LRMDA: variants seen among roughly 807,000 people sequenced by gnomAD.
The protein encoded by LRMDA is leucine rich melanocyte differentiation associated.
LRMDA carries 18 observed loss-of-function variants against 29.8 expected under a neutral mutation model. The observed-to-expected ratio is 0.60, with a 90% CI of 0.42 to 0.90. LRMDA has a LOEUF of 0.90. LRMDA is among the 40% of genes least tolerant of loss of function. The pLI is 0.00. For synonymous variants in LRMDA, 125 were observed against 109.4 expected (o/e 1.14, Z -0.89); for missense variants, 273 against 273.9 (o/e 1.00, Z 0.02).
intron 5 of LRMDA, among the ~76,000 whole-genome samples, chr10:76,081,951 C>T (rs4587674): frequency 1.3e-5 from 2 of 152,128 alleles, no homozygotes; most frequent in Admixed American, 6.5e-5. Flanking sequence ...TTTCAGATTT[C>T]GGTGCCATAG....
intron 5 of LRMDA, among the ~76,000 whole-genome samples, chr10:76,256,150 A>G (rs768946752): frequency 9.2e-5 from 14 of 152,238 alleles, no homozygotes; most frequent in Non-Finnish European, 1.2e-4. Context: ...GAGAACCATA[A>G]TAATTTTCTG....
intron 2 of LRMDA, among the ~76,000 whole-genome samples, chr10:75,566,002 A>G (rs1840367789): frequency 6.6e-6 from 1 of 152,136 alleles, no homozygotes. Flanking sequence ...TTGAGCCTGG[A>G]AGGTCAAGGC....
At chr10:76,272,496 C>T (rs1840080477) in intron 5 of LRMDA, among the ~76,000 whole-genome samples, 1 of 152,140 alleles carries the variant, frequency 6.6e-6, no homozygotes, top group Non-Finnish European at 1.5e-5. Flanking sequence ...TTGGAAAATG[C>T]ATTAAATTCG....
At chr10:75,709,567 A>C (rs1486660454) in intron 2 of LRMDA, among the ~76,000 whole-genome samples, 1 of 151,842 alleles carries the variant, frequency 6.6e-6, no homozygotes, top group Admixed American at 6.6e-5. Context: ...GGCAGGTGAG[A>C]TCATATTCCA....
intron 2 of LRMDA, among the ~76,000 whole-genome samples, chr10:75,884,506 C>A (rs1845349871): frequency 6.6e-6 from 1 of 152,048 alleles, no homozygotes; most frequent in African/African-American, 2.4e-5. Context: ...CTAGCAGAAG[C>A]AGATGGAGAA....
At chr10:75,644,572 G>C (rs559676522) in intron 2 of LRMDA, among the ~76,000 whole-genome samples, 24 of 152,094 alleles carry the variant, frequency 1.6e-4, no homozygotes, top group Non-Finnish European at 3.4e-4. Context: ...AAATAAACAG[G>C]CTTCATTAAA....
intron 5 of LRMDA, among the ~76,000 whole-genome samples, chr10:76,143,321 G>C (rs990847415): frequency 1.8e-4 from 27 of 152,312 alleles, no homozygotes; most frequent in Admixed American, 7.2e-4. Context: ...GTGTAAAAGT[G>C]TTCCTATTTC....
chr10:76,541,650 G>C (rs1203991730), intron 6 of LRMDA, among the ~76,000 whole-genome samples: 2 of 152,082 alleles, frequency 1.3e-5, no homozygotes, highest in Non-Finnish European at 2.9e-5. Flanking sequence ...TTGTTTGCAG[G>C]CTTTTGTTTT....
intron 2 of LRMDA, among the ~76,000 whole-genome samples, chr10:75,781,038 T>A (rs1209188663): frequency 6.6e-6 from 1 of 152,226 alleles, no homozygotes; most frequent in Non-Finnish European, 1.5e-5. Context: ...CCTGGCATCC[T>A]CTTTCTCCGA....
At chr10:76,259,182 T>C (rs530460991) in intron 5 of LRMDA, among the ~76,000 whole-genome samples, 8 of 152,146 alleles carry the variant, frequency 5.3e-5, no homozygotes, top group Admixed American at 4.6e-4. Flanking sequence ...TGCTATCTCA[T>C]TGGTGTTTTG....
chr10:76,409,596 T>C (rs993943494), intron 6 of LRMDA, among the ~76,000 whole-genome samples: 2 of 152,204 alleles, frequency 1.3e-5, no homozygotes, highest in African/African-American at 4.8e-5. Flanking sequence ...TATGTAGTTG[T>C]GATCCTGTTG....
intron 2 of LRMDA, among the ~76,000 whole-genome samples, chr10:75,587,843 G>A (rs923685078): frequency 6.6e-6 from 1 of 152,220 alleles, no homozygotes; most frequent in African/African-American, 2.4e-5. Flanking sequence ...CCAAGGTCGG[G>A]AGCATGACTG....
intron 2 of LRMDA, among the ~76,000 whole-genome samples, chr10:75,518,958 T>C (rs1483746488): frequency 6.6e-6 from 1 of 152,240 alleles, no homozygotes; most frequent in African/African-American, 2.4e-5. Context: ...CATTTCATTA[T>C]TTACCCAGTA....
At chr10:76,156,984 A>T (rs1387768489) in intron 5 of LRMDA, among the ~76,000 whole-genome samples, 1 of 152,180 alleles carries the variant, frequency 6.6e-6, no homozygotes, top group African/African-American at 2.4e-5. Flanking sequence ...TGTAATGCAT[A>T]GTTGCTGCTC....
At chr10:75,540,631 A>T (rs964199158) in intron 2 of LRMDA, among the ~76,000 whole-genome samples, 5 of 152,116 alleles carry the variant, frequency 3.3e-5, no homozygotes, top group Middle Eastern at 3.2e-3. Context: ...GGAATTTGAA[A>T]CTTTCACTCC....
chr10:75,747,613 T>A (rs1842904906), intron 2 of LRMDA, among the ~76,000 whole-genome samples: 1 of 152,316 alleles, frequency 6.6e-6, no homozygotes, highest in East Asian at 1.9e-4. Flanking sequence ...GTTTTCACCA[T>A]TTGGGTGATC....
At chr10:75,958,829 C>T (rs1161681244) in intron 2 of LRMDA, among the ~76,000 whole-genome samples, 2 of 152,122 alleles carry the variant, frequency 1.3e-5, no homozygotes, top group African/African-American at 4.8e-5. Flanking sequence ...GGGGAGGCCT[C>T]ACAATCGTGG....
At chr10:76,154,685 C>T (rs1015416646) in intron 5 of LRMDA, among the ~76,000 whole-genome samples, 5 of 152,176 alleles carry the variant, frequency 3.3e-5, no homozygotes, top group Non-Finnish European at 4.4e-5. Flanking sequence ...GTTCCTGGCA[C>T]TTGAAAGCTT....
At chr10:75,593,128 A>G (rs561919357) in intron 2 of LRMDA, among the ~76,000 whole-genome samples, 1 of 152,316 alleles carries the variant, frequency 6.6e-6, no homozygotes, top group South Asian at 2.1e-4. Context: ...AGCGATGTTA[A>G]TAAGTTAGCT....
Sources: allele counts gnomAD v4.1 joint callset (sites outside exome capture counted in the v4.1 genomes callset), GRCh38; gene constraint gnomAD v4.1.1; transcripts MANE v1.5; gene names NCBI Gene and HGNC (gene_info 2026-07-23, HGNC 2026-07-21).